Variants in FOXP2 observed in about 807,000 individuals in gnomAD.
The protein encoded by FOXP2 is forkhead box P2, also known as forkhead box protein P2.
A neutral mutation model predicts 115.8 loss-of-function variants in FOXP2; 12 were observed. The ratio of observed to expected loss-of-function variants is 0.10; its 90% confidence interval spans 0.07 to 0.17. The LOEUF is 0.17. Ranked by LOEUF, FOXP2 falls within the 10% of genes least tolerant of loss-of-function variation. FOXP2 has a pLI of 1.00. For missense variants in FOXP2, 629 were observed against 843.5 expected (o/e 0.75, Z 3.15); for synonymous variants, 328 against 297.7 (o/e 1.10, Z -1.05).
chr7:114,505,048 G>A (rs915553864), intron 2 of FOXP2, among the ~76,000 whole-genome samples: 5 of 151,338 alleles, frequency 3.3e-5, no homozygotes, highest in African/African-American at 7.3e-5. Flanking sequence ...TTAGATTTTC[G>A]TATATGCATA....
At chr7:114,323,760 C>T (rs971201480) in intron 2 of FOXP2, among the ~76,000 whole-genome samples, 1 of 151,938 alleles carries the variant, frequency 6.6e-6, no homozygotes, top group African/African-American at 2.4e-5. Flanking sequence ...CTCCCAGGAA[C>T]AAGTACAGTC....
At chr7:114,633,741 C>T (rs949028091) in intron 6 of FOXP2, among the ~76,000 whole-genome samples, 6 of 152,058 alleles carry the variant, frequency 3.9e-5, no homozygotes, top group Non-Finnish European at 5.9e-5. Context: ...CCTAGCGTTA[C>T]GGTACTATGC....
intron 2 of FOXP2, among the ~76,000 whole-genome samples, chr7:114,342,239 T>C (rs1011515319): frequency 1.3e-5 from 2 of 151,364 alleles, no homozygotes; most frequent in African/African-American, 4.8e-5. Flanking sequence ...TCAGTGGTTT[T>C]AAATGTAAAT....
intron 2 of FOXP2, among the ~76,000 whole-genome samples, chr7:114,427,788 A>G (rs967104292): frequency 6.6e-6 from 1 of 151,654 alleles, no homozygotes; most frequent in Admixed American, 6.6e-5. Flanking sequence ...ACAGCATTAA[A>G]AAAGTTACAT....
intron 2 of FOXP2, among the ~76,000 whole-genome samples, chr7:114,496,153 T>C (rs1357696963): frequency 1.3e-5 from 2 of 152,156 alleles, no homozygotes; most frequent in South Asian, 2.1e-4. Context: ...ATAATCCTAG[T>C]ATGACTGTGT....
At chr7:114,388,744 C>G (rs1011613591) in intron 2 of FOXP2, among the ~76,000 whole-genome samples, 1 of 151,682 alleles carries the variant, frequency 6.6e-6, no homozygotes, top group South Asian at 2.1e-4. Flanking sequence ...AGCTTCTTAA[C>G]AAATATTTAA....
chr7:114,117,205 T>C (rs1791432517), intron 1 of FOXP2, among the ~76,000 whole-genome samples: 1 of 151,638 alleles, frequency 6.6e-6, no homozygotes, highest in Non-Finnish European at 1.5e-5. Flanking sequence ...TTAGAATATA[T>C]ATTATATACA....
chr7:114,256,616 A>G (rs563958449), intron 1 of FOXP2, among the ~76,000 whole-genome samples: 2 of 152,310 alleles, frequency 1.3e-5, no homozygotes, highest in Admixed American at 1.3e-4. Context: ...TTTCAGATGG[A>G]TAGTTTGCAA....
upstream of FOXP2, chr7:114,087,693 C>G (rs1485261283): frequency 2.7e-5 from 4 of 150,166 alleles, no homozygotes; most frequent in African/African-American, 9.7e-5. Flanking sequence ...CGCGCGTTTT[C>G]TGCGCGCCTC....
intron 3 of FOXP2, 67 bp downstream of exon 3, chr7:114,534,773 A>G: frequency 8.2e-7 from 1 of 1,222,912 alleles, no homozygotes; most frequent in Non-Finnish European, 1.2e-6. Flanking sequence ...ACAGATGTGC[A>G]GACCCACTTG....
chr7:114,434,915 G>T (rs532340790), intron 2 of FOXP2, among the ~76,000 whole-genome samples: 1 of 151,946 alleles, frequency 6.6e-6, no homozygotes, highest in African/African-American at 2.4e-5. Flanking sequence ...AAAATCTTTC[G>T]TCTGTCTCTT....
At chr7:114,504,583 T>A (rs1401518175) in intron 2 of FOXP2, among the ~76,000 whole-genome samples, 1 of 151,700 alleles carries the variant, frequency 6.6e-6, no homozygotes, top group Admixed American at 6.6e-5. Flanking sequence ...ATCTTTTATA[T>A]TTACGGTTTA....
intron 2 of FOXP2, chr7:114,462,945 A>G (rs1584766355): frequency 6.6e-6 from 2 of 302,382 alleles, no homozygotes; most frequent in Admixed American, 4.4e-5. Context: ...AGCAAATGAT[A>G]CAAGAATCAA....
At chr7:114,372,222 A>T (rs1381744393) in intron 2 of FOXP2, among the ~76,000 whole-genome samples, 1 of 152,212 alleles carries the variant, frequency 6.6e-6, no homozygotes, top group Non-Finnish European at 1.5e-5. Context: ...AATCTTATGA[A>T]CACCAGGTAC....
chr7:114,348,446 A>G (rs549113810), intron 2 of FOXP2, among the ~76,000 whole-genome samples: 2 of 151,894 alleles, frequency 1.3e-5, no homozygotes, highest in South Asian at 2.1e-4. Context: ...TTCGTCTCCC[A>G]TAGATTTTTA....
rs572055798 is a variant in FOXP2 at position 114,191,032 on chromosome 7, G to A, written c.-102+27944G>A. On this transcript the variant is annotated intron_variant, in intron 1 of 17. Transcript: ENST00000634411. ...GTGGTATGGATCAGATAGTTTCTTG[G>A]TTTGTCCCCAGTGTTAGCCAGTGAT... Among the ~76,000 whole-genome samples the A allele has an allele frequency of 4.6e-5, 7 of 152,174 alleles. No individual in the cohort carries two copies. In the East Asian group the frequency reaches 1.4e-3, roughly 30 times the overall value.
intron 1 of FOXP2, among the ~76,000 whole-genome samples, chr7:114,250,492 C>T (rs745966495): frequency 6.5e-4 from 99 of 152,268 alleles, no homozygotes; most frequent in Non-Finnish European, 1.1e-3. Context: ...GCCATTCTAA[C>T]TCGTGTGAGA....
chr7:114,496,065 G>A (rs2129248467), intron 2 of FOXP2, among the ~76,000 whole-genome samples: 1 of 152,102 alleles, frequency 6.6e-6, no homozygotes, highest in East Asian at 1.9e-4. Context: ...TATGTCAATG[G>A]ATTTGAATAG....
At chr7:114,679,234 G>C (rs1481621030) in intron 16 of FOXP2, among the ~76,000 whole-genome samples, 1 of 152,018 alleles carries the variant, frequency 6.6e-6, no homozygotes. Flanking sequence ...CAAAGTGCTG[G>C]GATTACAGGC....
Sources: allele counts gnomAD v4.1 joint callset (sites outside exome capture counted in the v4.1 genomes callset), GRCh38; gene constraint gnomAD v4.1.1; transcripts MANE v1.5; gene names NCBI Gene and HGNC (gene_info 2026-07-23, HGNC 2026-07-21).